Variants in PDCD11 observed in about 807,000 individuals in gnomAD.
PDCD11 encodes protein RRP5 homolog.
A neutral mutation model predicts 198.9 loss-of-function variants in PDCD11; 97 were observed. That is an observed-to-expected ratio of 0.49 (90% CI 0.41 to 0.58). The LOEUF (loss-of-function observed/expected upper bound fraction) is 0.58. Ranked by LOEUF, PDCD11 falls within the 20% of genes least tolerant of loss-of-function variation. The probability of loss-of-function intolerance (pLI) is 0.00; values close to 1 mark genes in which losing one functional copy is unlikely to be tolerated. For missense variants in PDCD11, 2,102 were observed against 2,312.7 expected (o/e 0.91, Z 1.87); for synonymous variants, 893 against 918.0 (o/e 0.97, Z 0.49).
At chr10:103,400,278 G>T in intron 2 of PDCD11, 119 bp from the exon 3 acceptor site, 2 of 768,048 alleles carry the variant, frequency 2.6e-6, no homozygotes, top group East Asian at 2.7e-5. Flanking sequence ...GAGTGGGATG[G>T]GGTAGGGTGG....
At chr10:103,443,085 T>G (rs1592143989) in intron 32 of PDCD11, 80 bp from the exon 33 acceptor site, 15 of 1,253,242 alleles carry the variant, frequency 1.2e-5, no homozygotes, top group Admixed American at 9.7e-5. Context: ...GAGGGGGAGG[T>G]GGTTCCTGAG....
In PDCD11 at chr10:103,439,766, G is replaced by C; in HGVS notation, c.4046G>C (p.Gly1349Ala). 1 of 1,614,096 alleles carries C rather than the reference G, an allele frequency of 6.2e-7. No individual in the cohort carries two copies. ...TTCAGCCTTGGCCCCTCCGTTGTGGGTTTGGCTCGGTACTCCCATGTCTCC... is the reference window on the plus strand; with the variant it reads ...TTCAGCCTTGGCCCCTCCGTTGTGGCTTTGGCTCGGTACTCCCATGTCTCC... Reference protein sequence around the residue: ...VFFRLGPSVVGLARYSHVSQH... With the variant: ...VFFRLGPSVVALARYSHVSQH... Residue 1349 changes from glycine (G) to alanine (A), a missense_variant, in exon 28 of 36, where the codon GGT (glycine) becomes GCT (alanine). Gly to Ala is a moderately conservative substitution (Grantham distance 60). Coordinates refer to ENST00000369797, the MANE Select transcript of PDCD11 (RefSeq NM_014976.2).
chr10:103,437,336 G>A (rs1156647714), intron 25 of PDCD11, among the ~76,000 whole-genome samples: 2 of 152,080 alleles, frequency 1.3e-5, no homozygotes, highest in African/African-American at 2.4e-5. Context: ...TAGAGACAGG[G>A]TCTCGCTTTG....
intron 19 of PDCD11, among the ~76,000 whole-genome samples, chr10:103,424,546 C>G (rs1208321765): frequency 6.6e-6 from 1 of 152,126 alleles, no homozygotes; most frequent in Non-Finnish European, 1.5e-5. Context: ...ACAATAAGCT[C>G]TCAGTAATGA....
intron 25 of PDCD11, among the ~76,000 whole-genome samples, chr10:103,437,569 C>G (rs759252808): frequency 2.6e-5 from 4 of 152,232 alleles, no homozygotes; most frequent in African/African-American, 9.6e-5. Context: ...CTCACTGCAA[C>G]CTCTGCCTCC....
At position 103,425,152 on chromosome 10, in the gene PDCD11, C is replaced by T. The variant is rs1341775803; in HGVS notation, c.2932C>T (p.Leu978=). ...ATTGCAGGTGGGACAGGGTGTCTCC[C>T]TAACCCTCAAGACCACAGAACCAGG... ...EKLQVGQGVS[L]TLKTTEPGVT... Residue 978 remains leucine, a synonymous_variant, in exon 20 of 36, where the codon CTA becomes TTA. Coordinates refer to ENST00000369797, the MANE Select transcript of PDCD11 (RefSeq NM_014976.2). 1 of 1,614,176 alleles carries T rather than the reference C, an allele frequency of 6.2e-7. No individual in the cohort carries two copies. Among genetic ancestry groups the T allele is most frequent in the East Asian group, 2.2e-5 (1 of 44,876 alleles).
At chr10:103,443,066 A>T (rs963832607) in intron 32 of PDCD11, 99 bp from the exon 33 acceptor site, 2 of 1,053,510 alleles carry the variant, frequency 1.9e-6, no homozygotes, top group Non-Finnish European at 2.7e-6. Flanking sequence ...GGACACAGAT[A>T]GAGGCTGGGA....
chr10:103,412,343 C>T (rs1329687160), intron 8 of PDCD11, among the ~76,000 whole-genome samples: 3 of 151,206 alleles, frequency 2.0e-5, no homozygotes, highest in East Asian at 1.9e-4. Context: ...TTTTTTGAGA[C>T]GGAGTCTTGC....
intron 8 of PDCD11, among the ~76,000 whole-genome samples, chr10:103,410,264 A>C (rs1010117994): frequency 4.0e-5 from 6 of 151,784 alleles, no homozygotes; most frequent in African/African-American, 1.2e-4. Context: ...TTATGGAAGG[A>C]AAGTAAGAAA....
In PDCD11 at chr10:103,443,177, G is replaced by A; in HGVS notation, c.4968G>A (p.Glu1656=). ...LKTISFREEQ[E]KLNVWVALLN... Reference sequence around the variant, plus strand: ...GCTCTCCCTCCAGAGAGGAGCAGGAGAAGCTGAACGTGTGGGTGGCTCTGC... The same window carrying A: ...GCTCTCCCTCCAGAGAGGAGCAGGAAAAGCTGAACGTGTGGGTGGCTCTGC... Residue 1656 remains glutamate, a synonymous_variant, in exon 33 of 36, where the codon GAG becomes GAA. Transcript: ENST00000369797. The A allele has an allele frequency of 6.3e-7, 1 of 1,593,486 alleles. No individual in the cohort carries two copies. Among genetic ancestry groups the A allele is most frequent in the Non-Finnish European group, 8.6e-7 (1 of 1,166,300 alleles).
Position 103,414,167 on chromosome 10 carries a change from C to T in PDCD11, c.1310+77C>T. On this transcript the variant is annotated intron_variant, in intron 10 of 35. Coordinates refer to ENST00000369797, the MANE Select transcript of PDCD11 (RefSeq NM_014976.2). ...TCATATTCCATTTCTCCTGGCTGTG[C>T]TTGGGAAGGGTTTTCTTTCTTGCCA... The T allele has an allele frequency of 1.9e-6, 3 of 1,580,412 alleles. No individual in the cohort carries two copies. The South Asian group carries it at 3.4e-5, about 18-fold the overall frequency.
rs774242238 is a variant in PDCD11 at position 103,444,535 on chromosome 10, A to G, written c.5297A>G (p.Lys1766Arg). The change falls in exon 35 of 36, where the codon AAG becomes AGG. Residue 1766 changes from lysine (K) to arginine (R), a missense_variant. Physicochemically the swap from Lys to Arg is conservative, Grantham distance 26. Transcript: ENST00000369797. Reference protein sequence around the residue: ...PSKEHVDVIAKFAQLEFQLGD... With the variant: ...PSKEHVDVIARFAQLEFQLGD... ...CCTGCAGATGTGGATGTCATTGCCA[A>G]GTTTGCCCAGCTTGAGTTTCAGCTG... 6.2e-7 allele frequency: 1 copy of G among 1,614,146 alleles called. No homozygotes were observed. Among genetic ancestry groups the G allele is most frequent in the Non-Finnish European group, 8.5e-7 (1 of 1,179,998 alleles).
At chr10:103,407,298 A>AT (rs771046095) in intron 7 of PDCD11, among the ~76,000 whole-genome samples, 19 of 152,046 alleles carry the variant, frequency 1.2e-4, no homozygotes, top group Non-Finnish European at 2.5e-4. Context: ...TTAATTAAAA[A>AT]ATATATATAT....
intron 11 of PDCD11, among the ~76,000 whole-genome samples, 166 bp downstream of exon 11, chr10:103,414,496 T>C (rs1000548339): frequency 6.6e-6 from 1 of 152,210 alleles, no homozygotes; most frequent in African/African-American, 2.4e-5. Context: ...GGGTAACTCA[T>C]AGTTAATTTC....
chr10:103,424,522 T>C (rs1191912626), intron 19 of PDCD11, among the ~76,000 whole-genome samples: 1 of 152,198 alleles, frequency 6.6e-6, no homozygotes, highest in African/African-American at 2.4e-5. Flanking sequence ...AAAGAGAGGC[T>C]AGGTGCCTTG....
Position 103,444,086 on chromosome 10 carries a change from G to C in PDCD11, c.5278+18G>C. 1 of 1,606,200 alleles carries C rather than the reference G, an allele frequency of 6.2e-7. No individual in the cohort carries two copies. Among genetic ancestry groups the C allele is most frequent in the Non-Finnish European group, 8.5e-7 (1 of 1,177,188 alleles). Reference sequence around the variant, plus strand: ...CAAGGAGCGTGAGTGCTCATTCCCAGCTCCTGAGCCCATGAGCACTCCAGG... The same window carrying C: ...CAAGGAGCGTGAGTGCTCATTCCCACCTCCTGAGCCCATGAGCACTCCAGG... On this transcript the variant is annotated intron_variant, in intron 34 of 35. Coordinates refer to ENST00000369797, the MANE Select transcript of PDCD11 (RefSeq NM_014976.2).
At chr10:103,418,082 C>A in intron 14 of PDCD11, 150 bp downstream of exon 14, 1 of 819,324 alleles carries the variant, frequency 1.2e-6, no homozygotes, top group Non-Finnish European at 2.0e-6. Flanking sequence ...CGCATTCCTT[C>A]CTGTGTGTCA....
rs942708710 is a variant in PDCD11, at chr10:103,445,994, T to A, written c.*445T>A. The A allele has an allele frequency of 2.5e-4, 41 of 166,092 alleles. No homozygotes were observed. Among genetic ancestry groups the A allele is most frequent in the Non-Finnish European group, 1.1e-4 (8 of 75,554 alleles). 10.3% of individuals were successfully genotyped at this position (166,092 alleles called of 1,614,324 possible). A position where few individuals can be genotyped will look rare whatever the true frequency, so the allele number is the denominator to read the frequency against. Reference sequence around the variant, plus strand: ...CCCCTCCGATCTTGGAGTCTCTGGGTGTTCCTTCAGCCTCAGCCTCACTGG... The same window carrying A: ...CCCCTCCGATCTTGGAGTCTCTGGGAGTTCCTTCAGCCTCAGCCTCACTGG... On this transcript the variant is annotated 3_prime_UTR_variant, in exon 36 of 36. Transcript: ENST00000369797.
chr10:103,419,201 G>A (rs1290137166), intron 15 of PDCD11, among the ~76,000 whole-genome samples: 2 of 152,136 alleles, frequency 1.3e-5, no homozygotes, highest in Non-Finnish European at 2.9e-5. Flanking sequence ...CAGACCAGGG[G>A]GATGAGCCAT....
Sources: allele counts gnomAD v4.1 joint callset (sites outside exome capture counted in the v4.1 genomes callset), GRCh38; gene constraint gnomAD v4.1.1; transcripts MANE v1.5; gene names NCBI Gene and HGNC (gene_info 2026-07-23, HGNC 2026-07-21).